The following MMP24 variants were observed in gnomAD, a reference collection of about 807,000 sequenced individuals.
MMP24 encodes the protein matrix metalloproteinase-24.
A neutral mutation model predicts 62.8 loss-of-function variants in MMP24; 25 were observed. That is an observed-to-expected ratio of 0.40 (90% CI 0.29 to 0.56). The LOEUF (loss-of-function observed/expected upper bound fraction) is 0.56, where lower values mean the gene tolerates loss of function less well. Ranked by LOEUF, MMP24 falls within the 20% of genes least tolerant of loss-of-function variation. The probability of loss-of-function intolerance (pLI) is 0.50; values close to 1 mark genes in which losing one functional copy is unlikely to be tolerated. For missense variants in MMP24, 634 were observed against 853.6 expected (o/e 0.74, Z 3.21); for synonymous variants, 319 against 350.5 (o/e 0.91, Z 1.00).
chr20:35,227,544 A>G (rs1182739565), intron 1 of MMP24, among the ~76,000 whole-genome samples: 1 of 151,872 alleles, frequency 6.6e-6, no homozygotes, highest in East Asian at 2.0e-4. Flanking sequence ...TCGATATAGG[A>G]AGAAGTTTGT....
chr20:35,267,235 G>A lies in MMP24; in HGVS notation c.1010G>A (p.Arg337Lys), dbSNP rs1327636738. The A allele has an allele frequency of 6.2e-7, 1 of 1,603,666 alleles. No individual in the cohort carries two copies. Among genetic ancestry groups the A allele is most frequent in the Non-Finnish European group, 8.5e-7 (1 of 1,175,698 alleles). Reference protein sequence around the residue: ...GPPAEPLEPTRPLPTLPVRRI... With the variant: ...GPPAEPLEPTKPLPTLPVRRI... ...CCAGCCGAGCCTCTGGAGCCCACAA[G>A]GCCACTCCCTACACTCCCCGTCCGC... Residue 337 changes from arginine to lysine, a missense_variant, in exon 6 of 9, where the codon AGG becomes AAG. This residue lies in a region of MMP24 where 399 missense variants were observed against 530.8 expected (regional missense o/e 0.75). Transcript: ENST00000246186.
intron 8 of MMP24, chr20:35,272,064 A>C: frequency 1.7e-6 from 1 of 594,594 alleles, no homozygotes; most frequent in Non-Finnish European, 2.9e-6. Flanking sequence ...AGACGTTGTC[A>C]TAGACTGACT....
At chr20:35,249,424 C>T (rs1347091892) in intron 2 of MMP24, among the ~76,000 whole-genome samples, 1 of 152,180 alleles carries the variant, frequency 6.6e-6, no homozygotes, top group African/African-American at 2.4e-5. Context: ...GTGCTAAGCA[C>T]TGACAGGAAA....
chr20:35,263,645 T>C, intron 4 of MMP24, 146 bp from the exon 5 acceptor site: 2 of 594,632 alleles, frequency 3.4e-6, no homozygotes, highest in Non-Finnish European at 5.6e-6. Context: ...AGGCAGGGGT[T>C]GTGCCTGATT....
rs2060704293 is a variant in MMP24, at chr20:35,276,127, T to C, written c.*1518T>C. On this transcript the variant is annotated 3_prime_UTR_variant, in exon 9 of 9. Transcript: ENST00000246186. ...CCTGCATGGGCCTTGCCCCCGACCCTGTGGTCTCTGGGATTGGGGTCGGCT... is the reference window on the plus strand; with the variant it reads ...CCTGCATGGGCCTTGCCCCCGACCCCGTGGTCTCTGGGATTGGGGTCGGCT... The C allele has an allele frequency of 2.5e-6, 1 of 398,638 alleles. No individual in the cohort carries two copies. The highest frequency in any genetic ancestry group is 4.4e-6 in the Non-Finnish European group (1 of 226,104). The allele number at this position is 398,638 out of a possible 1,614,324, so 24.7% of individuals were successfully genotyped here. A position where few individuals can be genotyped will look rare whatever the true frequency, so the allele number is the denominator to read the frequency against.
intron 4 of MMP24, chr20:35,263,173 A>T (rs2060613284): frequency 6.6e-6 from 1 of 151,652 alleles, no homozygotes; most frequent in Non-Finnish European, 1.5e-5. Context: ...AACTGCAGCC[A>T]GAGTGATTTA....
rs144705013 is a variant in MMP24 at position 35,228,838 on chromosome 20, T to C, written c.246+1854T>C. Among the ~76,000 whole-genome samples, 383 of 152,340 alleles carry C rather than the reference T, an allele frequency of 2.5e-3. 1 individual carries two copies. The highest frequency in any genetic ancestry group is 8.9e-3 in the African/African-American group (368 of 41,574). On this transcript the variant is annotated intron_variant, in intron 1 of 8. Coordinates refer to ENST00000246186, the MANE Select transcript of MMP24 (RefSeq NM_006690.4). ...CTGGGTCATTTTAGTTGTCCTTTTC[T>C]AGATACCTTTTGGCCCTAATTTTCA...
chr20:35,263,864 C>A lies in MMP24; in HGVS notation c.891C>A (p.Ser297Arg). ...GACTGGAGCACTCCAGCGACCCCAG[C>A]GCCATCATGGCGCCCTTCTACCAGT... is the stretch of plus-strand genomic sequence containing the variant. ...ALGLEHSSDP[S>R]AIMAPFYQYM... The change falls in exon 5 of 9, where the codon AGC becomes AGA. Residue 297 changes from serine (S) to arginine (R), a missense_variant. Physicochemically the swap from Ser to Arg is moderately radical, Grantham distance 110 (BLOSUM62 -1). Coordinates refer to ENST00000246186, the MANE Select transcript of MMP24 (RefSeq NM_006690.4). 1 of 1,612,460 alleles carries A rather than the reference C, an allele frequency of 6.2e-7. No homozygotes were observed.
In MMP24 at chr20:35,267,100, T is replaced by C. The variant is rs151280113; in HGVS notation, c.980-105T>C. 280 of 931,234 alleles carry C rather than the reference T, an allele frequency of 3.0e-4. 1 individual carries two copies. In the East Asian group the frequency reaches 6.9e-3, roughly 23 times the overall value. 57.7% of individuals were successfully genotyped at this position (931,234 alleles called of 1,614,324 possible). ...AAACTGGGGAGAGGGAACAGGAGGC[T>C]GAACTGGGACAGACTTGTCTCAGAG... On this transcript the variant is annotated intron_variant, in intron 5 of 8. Coordinates refer to ENST00000246186, the MANE Select transcript of MMP24 (RefSeq NM_006690.4).
At chr20:35,254,305 C>A in intron 3 of MMP24, 145 bp from the exon 4 acceptor site, 1 of 800,792 alleles carries the variant, frequency 1.2e-6, no homozygotes, top group Non-Finnish European at 2.0e-6. Context: ...TGTTACTCAG[C>A]CTCTTCTTCA....
Position 35,271,892 on chromosome 20 carries a change from C to T in MMP24, c.1600+57C>T, listed in dbSNP as rs2060672310. The stretch of plus-strand genomic sequence containing the variant: ...GGAGCCGGTTTTATGTGGTCCTCAC[C>T]AGTGCCCACGGGCATACTCAGTGCC... On this transcript the variant is annotated intron_variant, in intron 8 of 8. Transcript: ENST00000246186. The surrounding 1 kb of genome is among the most constrained non-coding windows in gnomAD (Gnocchi z 4.0). The T allele has an allele frequency of 1.9e-6, 3 of 1,541,238 alleles. No individual in the cohort carries two copies. The highest frequency in any genetic ancestry group is 2.7e-5 in the African/African-American group (2 of 73,420).
At chr20:35,248,895 C>T (rs1019751474) in intron 2 of MMP24, among the ~76,000 whole-genome samples, 7 of 152,192 alleles carry the variant, frequency 4.6e-5, no homozygotes, top group Admixed American at 1.3e-4. Context: ...GTCTCTGCTG[C>T]GGCACCACCT....
At chr20:35,257,654 C>G (rs985839200) in intron 4 of MMP24, among the ~76,000 whole-genome samples, 2 of 152,210 alleles carry the variant, frequency 1.3e-5, no homozygotes, top group Non-Finnish European at 2.9e-5. Context: ...ACCCAGCCCC[C>G]AAATCCCAAG....
In MMP24 at chr20:35,275,104, A is replaced by AG. The variant is rs1322202902; in HGVS notation, c.*497dup. 1 of 160,318 alleles carries AG rather than the reference A, an allele frequency of 6.2e-6. No individual in the cohort carries two copies. Among genetic ancestry groups the AG allele is most frequent in the African/African-American group, 2.4e-5 (1 of 41,476 alleles). The allele number at this position is 160,318 out of a possible 1,614,324, so 9.9% of individuals were successfully genotyped here. A position where few individuals can be genotyped will look rare whatever the true frequency, so the allele number is the denominator to read the frequency against. On this transcript the variant is annotated 3_prime_UTR_variant, in exon 9 of 9. Transcript: ENST00000246186. ...CCACCCCACTGTCCTCCAAGGCTACAGGACCCCTGCTTCTGACACAGTGAG... is the reference window on the plus strand; with the variant it reads ...CCACCCCACTGTCCTCCAAGGCTACAGGGACCCCTGCTTCTGACACAGTGAG...
At chr20:35,267,177 CT>C in intron 5 of MMP24, 27 bp from the exon 6 acceptor site, 2 of 1,534,472 alleles carry the variant, frequency 1.3e-6, no homozygotes, top group Non-Finnish European at 1.8e-6. Flanking sequence ...CGGCTGCCCC[CT>C]CTCTAAGATG....
In MMP24 at chr20:35,269,874, G is replaced by A. The variant is rs1600806212; in HGVS notation, c.1309G>A (p.Asp437Asn). 5 of 1,552,048 alleles carry A rather than the reference G, an allele frequency of 3.2e-6. No homozygotes were observed. The highest frequency in any genetic ancestry group is 4.4e-6 in the Non-Finnish European group (5 of 1,147,202). The change falls in exon 7 of 9, where the codon GAT (aspartate) becomes AAT (asparagine). Residue 437 changes from aspartate (D) to asparagine (N), a missense_variant. Asp to Asn is a conservative substitution (Grantham distance 23, BLOSUM62 1). Coordinates refer to ENST00000246186, the MANE Select transcript of MMP24 (RefSeq NM_006690.4). The surrounding 1 kb of genome is among the most constrained non-coding windows in gnomAD (Gnocchi z 4.6). ...CATCGACGCAGCCTATGAAAGGGCC[G>A]ATGGGAGATTTGTCTTCTTCAAAGG... ...ARIDAAYERA[D>N]GRFVFFKGDK...
chr20:35,269,659 T>C lies in MMP24; in HGVS notation c.1195-101T>C. ...AGAAGCAGCTAATGGACAGTCTCGG[T>C]GGAGGGCTGGGCTGTTGGGACCTAA... On this transcript the variant is annotated intron_variant, in intron 6 of 8. Transcript: ENST00000246186. The surrounding 1 kb of genome is among the most constrained non-coding windows in gnomAD (Gnocchi z 4.6). 7.2e-7 allele frequency: 1 copy of C among 1,389,228 alleles called. No homozygotes were observed. Among genetic ancestry groups the C allele is most frequent in the South Asian group, 1.4e-5 (1 of 73,030 alleles). 86.1% of individuals were successfully genotyped at this position (1,389,228 alleles called of 1,614,324 possible).
intron 1 of MMP24, among the ~76,000 whole-genome samples, chr20:35,238,557 G>GT (rs2060474290): frequency 6.6e-6 from 1 of 152,174 alleles, no homozygotes; most frequent in Admixed American, 6.5e-5. Context: ...ACTAGGTGGG[G>GT]AAAGATAAAA....
At chr20:35,233,593 T>A (rs1353163598) in intron 1 of MMP24, among the ~76,000 whole-genome samples, 2 of 152,200 alleles carry the variant, frequency 1.3e-5, no homozygotes, top group Non-Finnish European at 2.9e-5. Context: ...CTGATCACCT[T>A]ACTCCCACCC....
Sources: allele counts gnomAD v4.1 joint callset (sites outside exome capture counted in the v4.1 genomes callset), GRCh38; gene constraint gnomAD v4.1.1; regional missense constraint gnomAD v4.1.1; non-coding constraint Gnocchi (gnomAD v3.1); transcripts MANE v1.5; gene names NCBI Gene and HGNC (gene_info 2026-07-23, HGNC 2026-07-21).